Variants in OXR1 observed in about 807,000 individuals in gnomAD.
OXR1 encodes the protein oxidation resistance protein 1.
Under a neutral mutation model 104.6 loss-of-function variants are expected in OXR1, and 41 were observed. The ratio of observed to expected loss-of-function variants is 0.39; its 90% CI spans 0.31 to 0.51. The LOEUF is 0.51. Ranked by LOEUF, OXR1 falls within the 20% of genes least tolerant of loss-of-function variation. The pLI is 0.77. For missense variants in OXR1, 955 were observed against 1,031.9 expected (o/e 0.93, Z 1.02); for synonymous variants, 348 against 348.4 (o/e 1.00, Z 0.01).
chr8:106,435,302 T>C (rs532455952), intron 2 of OXR1, among the ~76,000 whole-genome samples: 29 of 152,268 alleles, frequency 1.9e-4, no homozygotes, highest in African/African-American at 6.7e-4. Context: ...CGAAGAGCTC[T>C]CCTTGGCAGC....
intron 7 of OXR1, among the ~76,000 whole-genome samples, chr8:106,700,843 T>G (rs72682864): frequency 0.036 from 5,429 of 152,268 alleles, 130 homozygotes; most frequent in Non-Finnish European, 0.053. Flanking sequence ...GAGAGTAACC[T>G]GAAGTGTTTC....
chr8:106,695,128 T>C lies in OXR1; in HGVS notation c.675+2251T>C, dbSNP rs552500085. ...TAACACCTCTTATTTCTACATGTTATAAACACAATTCATTGTTATTATTTT... is the reference window on the plus strand; with the variant it reads ...TAACACCTCTTATTTCTACATGTTACAAACACAATTCATTGTTATTATTTT... On this transcript the variant is annotated intron_variant, in intron 7 of 16. Transcript: ENST00000517566. 4.2e-4 allele frequency among the ~76,000 whole-genome samples: 64 copies of C among 150,820 alleles called. 1 individual carries two copies. The South Asian group carries it at 6.5e-3, about 15-fold the overall frequency.
At chr8:106,348,588 G>C (rs1424854025) in intron 1 of OXR1, among the ~76,000 whole-genome samples, 1 of 151,962 alleles carries the variant, frequency 6.6e-6, no homozygotes, top group Admixed American at 6.6e-5. Context: ...CATTAAAATT[G>C]ATTGTAGATT....
chr8:106,742,135 C>T, intron 14 of OXR1, 87 bp from the exon 15 acceptor site: 21 of 779,052 alleles, frequency 2.7e-5, no homozygotes, highest in Middle Eastern at 2.3e-4. Context: ...CTATTTTTTG[C>T]ATTTTATTTA....
At chr8:106,506,270 C>A (rs1288767415) in intron 2 of OXR1, among the ~76,000 whole-genome samples, 1 of 152,096 alleles carries the variant, frequency 6.6e-6, no homozygotes, top group Non-Finnish European at 1.5e-5. Flanking sequence ...TGCCAAGTAG[C>A]TAGCTGAATA....
intron 1 of OXR1, among the ~76,000 whole-genome samples, chr8:106,345,528 G>A (rs749533870): frequency 9.2e-5 from 14 of 152,158 alleles, no homozygotes; most frequent in Non-Finnish European, 2.1e-4. Flanking sequence ...TGTTTAAGTC[G>A]TAGGTGAGTC....
intron 3 of OXR1, among the ~76,000 whole-genome samples, chr8:106,558,498 A>G (rs1275494720): frequency 6.6e-6 from 1 of 152,192 alleles, no homozygotes; most frequent in African/African-American, 2.4e-5. Flanking sequence ...CAGCAGCTAT[A>G]TATTAGCCAG....
chr8:106,657,830 GA>G, intron 3 of OXR1: 1 of 1,236,130 alleles, frequency 8.1e-7, no homozygotes, highest in Non-Finnish European at 1.0e-6. Context: ...CGGGCAGAGA[GA>G]GGGACGCCCC....
intron 3 of OXR1, among the ~76,000 whole-genome samples, chr8:106,634,018 G>T (rs1413492805): frequency 1.3e-5 from 2 of 152,054 alleles, no homozygotes; most frequent in Non-Finnish European, 2.9e-5. Flanking sequence ...ATCTCCCTTG[G>T]TTTTCTAATA....
intron 3 of OXR1, among the ~76,000 whole-genome samples, chr8:106,628,966 A>G (rs1822421402): frequency 6.6e-6 from 1 of 152,186 alleles, no homozygotes; most frequent in Non-Finnish European, 1.5e-5. Context: ...TTTAATGTTT[A>G]ACTGCACTAA....
intron 2 of OXR1, among the ~76,000 whole-genome samples, chr8:106,382,003 A>G (rs1308606238): frequency 1.3e-5 from 2 of 152,180 alleles, no homozygotes; most frequent in Non-Finnish European, 2.9e-5. Flanking sequence ...CATCCATCAG[A>G]TGATATTCCT....
intron 1 of OXR1, among the ~76,000 whole-genome samples, chr8:106,270,957 T>G (rs1268686244): frequency 1.3e-5 from 2 of 151,980 alleles, no homozygotes; most frequent in East Asian, 3.9e-4. Flanking sequence ...AGGGGGCACA[T>G]CATGATGGAG....
chr8:106,294,161 G>A (rs1343233676), intron 1 of OXR1, among the ~76,000 whole-genome samples: 1 of 151,754 alleles, frequency 6.6e-6, no homozygotes, highest in Admixed American at 6.6e-5. Flanking sequence ...CTGGCACTTT[G>A]GGAGGCCGAG....
chr8:106,618,183 G>T, intron 3 of OXR1: 1 of 1,535,704 alleles, frequency 6.5e-7, no homozygotes, highest in South Asian at 1.2e-5. Context: ...CCAGCGCAAA[G>T]GTATGTGTAA....
intron 1 of OXR1, among the ~76,000 whole-genome samples, chr8:106,349,341 A>AT (rs56949403): frequency 6.6e-6 from 1 of 152,252 alleles, no homozygotes; most frequent in African/African-American, 2.4e-5. Context: ...ATGTTTGTCC[A>AT]TTTTTAAGAT....
chr8:106,565,543 C>T (rs1423369889), intron 3 of OXR1, among the ~76,000 whole-genome samples: 1 of 152,052 alleles, frequency 6.6e-6, no homozygotes, highest in Non-Finnish European at 1.5e-5. Flanking sequence ...ATGAAAATGG[C>T]CATACTCCCC....
chr8:106,631,375 G>A (rs1349628654), intron 3 of OXR1, among the ~76,000 whole-genome samples: 1 of 152,200 alleles, frequency 6.6e-6, no homozygotes, highest in African/African-American at 2.4e-5. Context: ...GGCATTAAGT[G>A]AGGATGTTAA....
intron 11 of OXR1, chr8:106,726,268 A>G (rs1217893755): frequency 6.5e-7 from 1 of 1,530,396 alleles, no homozygotes; most frequent in Non-Finnish European, 8.7e-7. Flanking sequence ...GTATGGGAAA[A>G]AAGGGAGAAG....
At chr8:106,576,982 G>A (rs2130600392) in intron 3 of OXR1, among the ~76,000 whole-genome samples, 1 of 152,034 alleles carries the variant, frequency 6.6e-6, no homozygotes, top group South Asian at 2.1e-4. Flanking sequence ...TTTCTATTTT[G>A]TAGGAGTAAC....
Sources: allele counts gnomAD v4.1 joint callset (sites outside exome capture counted in the v4.1 genomes callset), GRCh38; gene constraint gnomAD v4.1.1; transcripts MANE v1.5; gene names NCBI Gene and HGNC (gene_info 2026-07-23, HGNC 2026-07-21).